Variants in RBFOX1 observed in about 807,000 individuals in gnomAD.
RBFOX1 encodes the protein RNA binding fox-1 homolog 1, also known as RNA binding protein fox-1 homolog 1.
RBFOX1 carries 8 observed loss-of-function variants against 57.7 expected under a neutral mutation model. The ratio of observed to expected loss-of-function variants is 0.14; its 90% CI spans 0.08 to 0.25. The LOEUF (loss-of-function observed/expected upper bound fraction) is 0.25. Among genes scored for constraint, RBFOX1 ranks in the 10% least tolerant of loss-of-function variants. RBFOX1 has a pLI of 1.00. For missense variants in RBFOX1, 611 were observed against 548.5 expected, an observed-to-expected ratio of 1.11 and a Z score of -1.14; for synonymous variants, 326 against 222.4, an observed-to-expected ratio of 1.47 and a Z score of -4.15.
chr16:6,905,292 T>G (rs7498679), intron 3 of RBFOX1, among the ~76,000 whole-genome samples: 53,765 of 151,742 alleles, frequency 0.35, 11,506 homozygotes, highest in African/African-American at 0.61. Context: ...AGTAGGTCAT[T>G]CCTGTAATCC....
intron 11 of RBFOX1, among the ~76,000 whole-genome samples, chr16:7,632,976 A>G (rs1453422194): frequency 2.6e-5 from 4 of 152,244 alleles, no homozygotes; most frequent in East Asian, 1.9e-4. Context: ...CTCACATCAC[A>G]TGAAAATATT....
At chr16:7,474,043 C>G (rs2062106552) in intron 4 of RBFOX1, among the ~76,000 whole-genome samples, 1 of 152,200 alleles carries the variant, frequency 6.6e-6, no homozygotes, top group Admixed American at 6.5e-5. Context: ...GGTCCCAGCA[C>G]TTTGGGAGGC....
chr16:6,815,609 G>C (rs1053695679), intron 3 of RBFOX1, among the ~76,000 whole-genome samples: 1 of 152,138 alleles, frequency 6.6e-6, no homozygotes, highest in African/African-American at 2.4e-5. Context: ...TTACCAATGA[G>C]TAAACTTGAA....
At chr16:7,401,034 G>A (rs556184509) in intron 4 of RBFOX1, among the ~76,000 whole-genome samples, 22 of 152,308 alleles carry the variant, frequency 1.4e-4, no homozygotes, top group African/African-American at 4.3e-4. Flanking sequence ...TATATTGCCC[G>A]ATGCAGCTGA....
At chr16:5,989,990 C>T (rs2060363465) in intron 4 of RBFOX1, among the ~76,000 whole-genome samples, 1 of 151,928 alleles carries the variant, frequency 6.6e-6, no homozygotes, top group Admixed American at 6.6e-5. Flanking sequence ...CTCACACCAG[C>T]CTTTTTGTTT....
chr16:7,344,879 A>T (rs567598008), intron 4 of RBFOX1, among the ~76,000 whole-genome samples: 1 of 152,292 alleles, frequency 6.6e-6, no homozygotes, highest in South Asian at 2.1e-4. Flanking sequence ...TTGCCCGTAC[A>T]ACCGACTCTG....
chr16:7,232,635 A>T (rs775605268), intron 4 of RBFOX1, among the ~76,000 whole-genome samples: 93 of 152,206 alleles, frequency 6.1e-4, no homozygotes, highest in Non-Finnish European at 1.0e-3. Flanking sequence ...TGAGGTTGGG[A>T]GTTCGAGAAC....
intron 4 of RBFOX1, among the ~76,000 whole-genome samples, chr16:7,120,197 G>T (rs72763564): frequency 6.6e-6 from 1 of 151,694 alleles, no homozygotes; most frequent in Non-Finnish European, 1.5e-5. Flanking sequence ...GTGCTTAGAG[G>T]GAAATACATA....
At chr16:5,826,492 C>G (rs867106643) in intron 3 of RBFOX1, among the ~76,000 whole-genome samples, 3 of 152,192 alleles carry the variant, frequency 2.0e-5, no homozygotes, top group African/African-American at 7.2e-5. Context: ...TGGTCGCTGT[C>G]TCAATGACTC....
rs191268588 is a variant in RBFOX1 at position 7,122,918 on chromosome 16, C to T, written c.27+70820C>T. On this transcript the variant is annotated intron_variant, in intron 4 of 15. Transcript: ENST00000550418. ...TGACAACTTGGATCTATTTCAAAAGCATTATGCTAAGAGAAGGAAGCCAGT... is the reference window on the plus strand; with the variant it reads ...TGACAACTTGGATCTATTTCAAAAGTATTATGCTAAGAGAAGGAAGCCAGT... 6.2e-3 allele frequency among the ~76,000 whole-genome samples: 936 copies of T among 152,094 alleles called. 5 individuals are homozygous for T. The highest frequency in any genetic ancestry group is 9.3e-3 in the Non-Finnish European group (630 of 67,996).
rs992299975 is a variant in RBFOX1, at chr16:5,828,025, CTGTCCATCCATG to C, written c.319-39276_319-39265del. 1.3e-3 allele frequency among the ~76,000 whole-genome samples: 198 copies of C among 148,246 alleles called. 2 individuals are homozygous for C. Among genetic ancestry groups the C allele is most frequent in the African/African-American group, 4.6e-3 (184 of 40,288 alleles). ...ATCCATCCATCATCTATCTAGTCTT[CTGTCCATCCATG>C]TATCCATCCATCTACCCACCCATCC... On this transcript the variant is annotated intron_variant, in intron 3 of 19. Coordinates refer to the RBFOX1 transcript ENST00000641259.
chr16:5,705,239 T>G (rs137928885), intron 3 of RBFOX1, among the ~76,000 whole-genome samples: 31 of 152,276 alleles, frequency 2.0e-4, no homozygotes, highest in African/African-American at 7.2e-4. Context: ...ACCATCCATG[T>G]GCTAATGGAT....
intron 3 of RBFOX1, among the ~76,000 whole-genome samples, chr16:7,034,337 A>T (rs913122064): frequency 4.6e-5 from 7 of 152,166 alleles, no homozygotes; most frequent in Non-Finnish European, 2.9e-5. Flanking sequence ...AAGCTAGATC[A>T]TGCCTGGTAA....
intron 3 of RBFOX1, among the ~76,000 whole-genome samples, chr16:5,764,909 C>A (rs2053723718): frequency 1.3e-5 from 2 of 152,170 alleles, no homozygotes; most frequent in East Asian, 3.9e-4. Context: ...GAAATAAATA[C>A]AATTTTGTCC....
intron 3 of RBFOX1, among the ~76,000 whole-genome samples, chr16:5,722,660 G>A (rs1178905091): frequency 6.6e-6 from 1 of 152,146 alleles, no homozygotes; most frequent in Non-Finnish European, 1.5e-5. Context: ...GTAGACATAG[G>A]TGGTTTCACC....
intron 4 of RBFOX1, among the ~76,000 whole-genome samples, chr16:7,213,139 A>G (rs7206899): frequency 0.058 from 8,796 of 152,098 alleles, 825 homozygotes; most frequent in African/African-American, 0.2. Context: ...CCAGACCCTG[A>G]AGCCCGAACT....
rs974568672 is a variant in RBFOX1, at chr16:6,968,417, C to T, written c.-15-83640C>T. On this transcript the variant is annotated intron_variant, in intron 3 of 15. Transcript: ENST00000550418. ...TAATACTGTCTTTTTTTCCTGGTCT[C>T]ATCTCACGCAGCTGAAATAAAAGCA... 2.0e-5 allele frequency among the ~76,000 whole-genome samples: 3 copies of T among 152,098 alleles called. No individual in the cohort carries two copies. The East Asian group carries it at 5.8e-4, about 29-fold the overall frequency.
intron 14 of RBFOX1, among the ~76,000 whole-genome samples, chr16:7,705,423 TGAACTTGAGGGACG>T (rs1209438410): frequency 6.6e-6 from 1 of 152,088 alleles, no homozygotes; most frequent in Non-Finnish European, 1.5e-5. Flanking sequence ...GAGAATGGCA[TGAACTTGAGGGACG>T]GAGCTTGCAG....
At chr16:7,308,469 C>T (rs1047998424) in intron 4 of RBFOX1, among the ~76,000 whole-genome samples, 7 of 152,104 alleles carry the variant, frequency 4.6e-5, no homozygotes, top group East Asian at 1.9e-4. Context: ...TTTAAAAATA[C>T]GTCAAATGCT....
Sources: allele counts gnomAD v4.1 joint callset (sites outside exome capture counted in the v4.1 genomes callset), GRCh38; gene constraint gnomAD v4.1.1; transcripts MANE v1.5; gene names NCBI Gene and HGNC (gene_info 2026-07-23, HGNC 2026-07-21).